The following SLC4A4 variants were observed in gnomAD, a reference collection of about 807,000 sequenced individuals.
The protein encoded by SLC4A4 is solute carrier family 4 member 4.
Under a neutral mutation model 111.5 loss-of-function variants are expected in SLC4A4, and 27 were observed. The ratio of observed to expected loss-of-function variants is 0.24; its 90% CI spans 0.18 to 0.33. SLC4A4 has a LOEUF of 0.33. Among genes scored for constraint, SLC4A4 ranks in the 10% least tolerant of loss-of-function variants. SLC4A4 has a pLI of 1.00. For missense variants in SLC4A4, 909 were observed against 1,315.5 expected (o/e 0.69, Z 4.78); for synonymous variants, 443 against 463.4 (o/e 0.96, Z 0.57).
At chr4:71,071,205 G>T (rs979333536) in intron 1 of SLC4A4, among the ~76,000 whole-genome samples, 9 of 149,894 alleles carry the variant, frequency 6.0e-5, no homozygotes, top group Non-Finnish European at 1.3e-4. Flanking sequence ...AGGAGGTGAA[G>T]GTTGCAGTGA....
intron 1 of SLC4A4, among the ~76,000 whole-genome samples, chr4:71,231,637 A>G (rs1308299403): frequency 1.3e-5 from 2 of 152,202 alleles, no homozygotes; most frequent in East Asian, 3.9e-4. Flanking sequence ...TGTGACCCTT[A>G]TCCCCGTGAT....
Position 71,357,179 on chromosome 4 carries a change from C to A in SLC4A4, c.722C>A (p.Pro241His). 1 of 1,614,062 alleles carries A rather than the reference C, an allele frequency of 6.2e-7. No homozygotes were observed. The highest frequency in any genetic ancestry group is 1.7e-5 in the Admixed American group (1 of 60,018). The change falls in exon 6 of 26, where the codon CCT becomes CAT. Residue 241 changes from proline (P) to histidine (H), a missense_variant. Transcript: ENST00000264485. ...VSSASRMFTN[P>H]DNGSPAMTHR... is the part of the protein sequence containing the mutation. ...AGTGCAAGTAGGATGTTTACCAACC[C>A]TGATAATGGTAATGCAGAGGCCAGC...
intron 6 of SLC4A4, among the ~76,000 whole-genome samples, chr4:71,360,341 ATT>A (rs200864559): frequency 1.3e-5 from 2 of 149,260 alleles, no homozygotes; most frequent in Non-Finnish European, 3.0e-5. Flanking sequence ...TGATTTTTAA[ATT>A]TTTTTTTTTG....
chr4:71,203,685 A>G (rs1243780951), intron 1 of SLC4A4, among the ~76,000 whole-genome samples: 1 of 152,212 alleles, frequency 6.6e-6, no homozygotes, highest in African/African-American at 2.4e-5. Context: ...TATTGTAAGA[A>G]GGAAAATCTG....
chr4:71,411,865 A>G (rs529454875), intron 7 of SLC4A4, among the ~76,000 whole-genome samples: 38 of 152,316 alleles, frequency 2.5e-4, no homozygotes, highest in African/African-American at 7.9e-4. Flanking sequence ...AAGCACTTAG[A>G]CAAACTGAGG....
intron 12 of SLC4A4, among the ~76,000 whole-genome samples, chr4:71,464,975 T>A (rs1441348914): frequency 6.6e-6 from 1 of 152,120 alleles, no homozygotes; most frequent in African/African-American, 2.4e-5. Context: ...GATAAGTGAA[T>A]GAGAAGTTGC....
intron 1 of SLC4A4, among the ~76,000 whole-genome samples, chr4:71,218,567 A>T (rs986964882): frequency 4.6e-5 from 7 of 152,146 alleles, no homozygotes; most frequent in African/African-American, 9.7e-5. Flanking sequence ...CCCATAATAT[A>T]CCTAAAACAG....
intron 6 of SLC4A4, among the ~76,000 whole-genome samples, chr4:71,363,118 AAC>A (rs1466606828): frequency 6.6e-6 from 1 of 152,144 alleles, no homozygotes; most frequent in East Asian, 1.9e-4. Flanking sequence ...GTTTGATATA[AAC>A]ACACACACCT....
At chr4:71,082,494 G>T (rs573694213) in intron 1 of SLC4A4, among the ~76,000 whole-genome samples, 31 of 152,090 alleles carry the variant, frequency 2.0e-4, no homozygotes, top group Admixed American at 1.8e-3. Flanking sequence ...ATTGGTTGGT[G>T]CAGGGAACTC....
intron 15 of SLC4A4, among the ~76,000 whole-genome samples, chr4:71,491,993 T>C (rs1025418410): frequency 1.7e-4 from 26 of 151,592 alleles, no homozygotes; most frequent in Admixed American, 1.7e-3. Flanking sequence ...AGAGATGCTG[T>C]TAATCATGGG....
chr4:71,545,474 G>A (rs1735438857), intron 18 of SLC4A4, among the ~76,000 whole-genome samples: 1 of 151,848 alleles, frequency 6.6e-6, no homozygotes, highest in African/African-American at 2.4e-5. Flanking sequence ...GCTCCATAGG[G>A]GTATCAAGTA....
chr4:71,149,623 G>A (rs1744262925), intron 2 of SLC4A4, among the ~76,000 whole-genome samples: 1 of 152,164 alleles, frequency 6.6e-6, no homozygotes, highest in Admixed American at 6.5e-5. Flanking sequence ...TTCAACAAAT[G>A]TTTGTTAGGC....
chr4:71,496,559 G>A (rs986210960), intron 15 of SLC4A4, among the ~76,000 whole-genome samples: 8 of 152,030 alleles, frequency 5.3e-5, no homozygotes, highest in Admixed American at 2.6e-4. Flanking sequence ...CATTGCAGGT[G>A]AGGTGGCTCT....
intron 3 of SLC4A4, among the ~76,000 whole-genome samples, chr4:71,311,625 T>A (rs1726172725): frequency 2.0e-5 from 3 of 152,142 alleles, no homozygotes; most frequent in Admixed American, 2.0e-4. Flanking sequence ...AGTAAAGTTC[T>A]TTGAAACCTA....
At position 71,107,055 on chromosome 4, in the gene SLC4A4, T is replaced by C. The variant is rs1047255128; in HGVS notation, c.-2+14263T>C. ...CCACCATGCCCTATTGGTTATTGCT[T>C]GCATGGAATATTTTTTTTATCCTTT... On this transcript the variant is annotated intron_variant, in intron 2 of 26. Transcript: ENST00000649996. Among the ~76,000 whole-genome samples, 5 of 151,994 alleles carry C rather than the reference T, an allele frequency of 3.3e-5. No individual in the cohort carries two copies. In the South Asian group the frequency reaches 1.0e-3, roughly 32 times the overall value.
At position 71,315,692 on chromosome 4, in the gene SLC4A4, G is replaced by A. The variant is rs115418223; in HGVS notation, c.254-23678G>A. ...GAACTATTAATTTTAAATATGAAAT[G>A]TGAAAGTCTTTAAAGACAAAGTATG... On this transcript the variant is annotated intron_variant, in intron 3 of 25. Transcript: ENST00000264485. Among the ~76,000 whole-genome samples, 740 of 152,220 alleles carry A rather than the reference G, an allele frequency of 4.9e-3. 4 individuals are homozygous for A. The highest frequency in any genetic ancestry group is 6.4e-3 in the Non-Finnish European group (438 of 68,000).
intron 16 of SLC4A4, among the ~76,000 whole-genome samples, chr4:71,517,430 ATTTG>A (rs1027974207): frequency 6.6e-6 from 1 of 151,490 alleles, no homozygotes; most frequent in Admixed American, 6.6e-5. Flanking sequence ...CAGAATTTCT[ATTTG>A]TTTTTCTTTT....
At position 71,405,949 on chromosome 4, in the gene SLC4A4, A is replaced by AGACTTGGCCACCTGTCTGTTTC. The variant is rs1720803319; in HGVS notation, c.807+8296_807+8297insGACTTGGCCACCTGTCTGTTTC. ...AGGAGGTGAAAAGTGCAGTGGCCATATACTTGCTTTGACTGAAGATGTTGC... is the reference window on the plus strand; with the variant it reads ...AGGAGGTGAAAAGTGCAGTGGCCATAGACTTGGCCACCTGTCTGTTTCTACTTGCTTTGACTGAAGATGTTGC... On this transcript the variant is annotated intron_variant, in intron 7 of 25. Coordinates refer to ENST00000264485, the MANE Select transcript of SLC4A4 (RefSeq NM_001098484.3). Among the ~76,000 whole-genome samples, 7 of 107,374 alleles carry AGACTTGGCCACCTGTCTGTTTC rather than the reference A, an allele frequency of 6.5e-5. No individual in the cohort carries two copies. The South Asian group carries it at 3.4e-3, about 52-fold the overall frequency. The allele number at this position is 107,374 out of a possible 152,430, so 70.4% of individuals were successfully genotyped here.
At chr4:71,399,549 C>G (rs1720167364) in intron 7 of SLC4A4, among the ~76,000 whole-genome samples, 1 of 146,374 alleles carries the variant, frequency 6.8e-6, no homozygotes, top group Admixed American at 7.0e-5. Context: ...CATCTCAGAT[C>G]TGAATTGCTA....
Sources: allele counts gnomAD v4.1 joint callset (sites outside exome capture counted in the v4.1 genomes callset), GRCh38; gene constraint gnomAD v4.1.1; transcripts MANE v1.5; gene names NCBI Gene and HGNC (gene_info 2026-07-23, HGNC 2026-07-21).